TMEM135: variants seen among roughly 807,000 people sequenced by gnomAD.
The protein encoded by TMEM135 is transmembrane protein 135, also known as peroxisomal membrane protein 52.
A neutral mutation model predicts 60.3 loss-of-function variants in TMEM135; 30 were observed. The observed-to-expected ratio is 0.50, with a 90% confidence interval of 0.37 to 0.68. TMEM135 has a LOEUF of 0.68. TMEM135 is among the 30% of genes least tolerant of loss of function. TMEM135 has a pLI of 0.00. For synonymous variants in TMEM135, 190 were observed against 186.7 expected, an observed-to-expected ratio of 1.02 and a Z score of -0.14; for missense variants, 468 against 548.8, an observed-to-expected ratio of 0.85 and a Z score of 1.47.
At chr11:87,154,132 C>T (rs140409346) in intron 4 of TMEM135, among the ~76,000 whole-genome samples, 266 of 152,224 alleles carry the variant, frequency 1.7e-3, no homozygotes, top group African/African-American at 6.1e-3. Flanking sequence ...ATAGTGCCTC[C>T]CCATTTCTCC....
At chr11:87,238,555 CT>C (rs1366077138) in intron 6 of TMEM135, among the ~76,000 whole-genome samples, 10 of 152,084 alleles carry the variant, frequency 6.6e-5, no homozygotes, top group African/African-American at 2.2e-4. Flanking sequence ...CTATTTATTA[CT>C]TTTACTGTAT....
chr11:87,183,299 C>T (rs751142795), intron 5 of TMEM135, among the ~76,000 whole-genome samples: 2 of 151,512 alleles, frequency 1.3e-5, no homozygotes, highest in African/African-American at 4.8e-5. Flanking sequence ...TGTGCCACCA[C>T]GCCTGGTTAA....
At chr11:87,149,872 C>T (rs1196715773) in intron 4 of TMEM135, among the ~76,000 whole-genome samples, 1 of 152,140 alleles carries the variant, frequency 6.6e-6, no homozygotes, top group Non-Finnish European at 1.5e-5. Flanking sequence ...CTGTTGATTA[C>T]TTCTATAATA....
chr11:87,176,914 G>A (rs139207205), intron 5 of TMEM135, among the ~76,000 whole-genome samples: 150 of 152,254 alleles, frequency 9.9e-4, no homozygotes, highest in Admixed American at 2.7e-3. Context: ...TGCATCCCAT[G>A]CATATAACAA....
Position 87,324,425 on chromosome 11 carries a change from A to T in TMEM135, c.*3092A>T. 1 of 453,714 alleles carries T rather than the reference A, an allele frequency of 2.2e-6. No individual in the cohort carries two copies. Among genetic ancestry groups the T allele is most frequent in the Non-Finnish European group, 4.4e-6 (1 of 226,674 alleles). The allele number at this position is 453,714 out of a possible 1,614,324, so 28.1% of individuals were successfully genotyped here. A position where few individuals can be genotyped will look rare whatever the true frequency, so the allele number is the denominator to read the frequency against. ...ATTCCTTAAATTCTCCGTGTGATTT[A>T]TTTTTTTATTTTTTGAGTTGAGGTC... On this transcript the variant is annotated 3_prime_UTR_variant, in exon 15 of 15. Transcript: ENST00000305494.
chr11:87,125,858 C>T (rs2135223565), intron 4 of TMEM135, among the ~76,000 whole-genome samples: 1 of 152,300 alleles, frequency 6.6e-6, no homozygotes, highest in African/African-American at 2.4e-5. Context: ...TTACAAAATT[C>T]ATTTAAACAA....
rs546376668 is a variant in TMEM135, at chr11:87,058,588, A to G, written c.142-9106A>G. Among the ~76,000 whole-genome samples, 4 of 152,022 alleles carry G rather than the reference A, an allele frequency of 2.6e-5. No individual in the cohort carries two copies. In the South Asian group the frequency reaches 8.3e-4, roughly 32 times the overall value. Reference sequence around the variant, plus strand: ...TCAAGTGATCCACCCGCCTTGGCCTATGATAAATTGTTTTTTAAAAACAAG... The same window carrying G: ...TCAAGTGATCCACCCGCCTTGGCCTGTGATAAATTGTTTTTTAAAAACAAG... On this transcript the variant is annotated intron_variant, in intron 1 of 14. Transcript: ENST00000305494.
chr11:87,087,400 A>G (rs1857119560), intron 3 of TMEM135, among the ~76,000 whole-genome samples: 1 of 151,956 alleles, frequency 6.6e-6, no homozygotes, highest in Non-Finnish European at 1.5e-5. Flanking sequence ...AGATTTTTAC[A>G]TTACCCATCC....
At chr11:87,241,958 A>G (rs1941146075) in intron 6 of TMEM135, among the ~76,000 whole-genome samples, 1 of 151,850 alleles carries the variant, frequency 6.6e-6, no homozygotes, top group African/African-American at 2.4e-5. Flanking sequence ...GCACCCATTA[A>G]CTTGTCGTAT....
At chr11:87,084,058 TGA>T in intron 3 of TMEM135, among the ~76,000 whole-genome samples, 1 of 152,228 alleles carries the variant, frequency 6.6e-6, no homozygotes, top group African/African-American at 2.4e-5. Flanking sequence ...TTGTGAAGTG[TGA>T]TATGTAGTAT....
chr11:87,054,836 AG>A (rs1217735261), intron 1 of TMEM135, among the ~76,000 whole-genome samples: 1 of 152,166 alleles, frequency 6.6e-6, no homozygotes, highest in African/African-American at 2.4e-5. Flanking sequence ...TCTCAAGCAC[AG>A]GAGGCACTGA....
intron 3 of TMEM135, among the ~76,000 whole-genome samples, chr11:87,077,251 A>G (rs1197187236): frequency 6.6e-6 from 1 of 152,262 alleles, no homozygotes; most frequent in African/African-American, 2.4e-5. Context: ...ACGTTTGGAC[A>G]TAGGCTTTTT....
chr11:87,108,433 T>C (rs1857654837), intron 4 of TMEM135, among the ~76,000 whole-genome samples: 1 of 152,174 alleles, frequency 6.6e-6, no homozygotes, highest in African/African-American at 2.4e-5. Flanking sequence ...GTCTCTTTCA[T>C]TTTTCATTTT....
intron 4 of TMEM135, among the ~76,000 whole-genome samples, chr11:87,097,125 T>C (rs1037550803): frequency 2.6e-5 from 4 of 151,712 alleles, no homozygotes; most frequent in South Asian, 2.1e-4. Flanking sequence ...GTCCCCAGAG[T>C]AGTTGGGATT....
chr11:87,316,634 A>G (rs938055324), intron 12 of TMEM135, among the ~76,000 whole-genome samples: 3 of 152,044 alleles, frequency 2.0e-5, no homozygotes, highest in African/African-American at 7.2e-5. Context: ...TAAGAGTAGA[A>G]TTGGCAAGAC....
At chr11:87,098,830 A>G (rs1224967650) in intron 4 of TMEM135, among the ~76,000 whole-genome samples, 1 of 151,976 alleles carries the variant, frequency 6.6e-6, no homozygotes, top group African/African-American at 2.4e-5. Context: ...CTGGGACTAC[A>G]GGCACCCACC....
chr11:87,294,339 C>T (rs1404436114), intron 6 of TMEM135, among the ~76,000 whole-genome samples: 2 of 152,128 alleles, frequency 1.3e-5, no homozygotes, highest in South Asian at 2.1e-4. Context: ...TGTGGCCTTT[C>T]CTACAGAAGA....
chr11:87,136,215 TA>T (rs1448110967), intron 4 of TMEM135, among the ~76,000 whole-genome samples: 1 of 152,148 alleles, frequency 6.6e-6, no homozygotes, highest in South Asian at 2.1e-4. Context: ...TTATGAGAGT[TA>T]AAAAAATTTT....
chr11:87,176,670 T>C (rs1939377244), intron 5 of TMEM135, among the ~76,000 whole-genome samples: 2 of 152,054 alleles, frequency 1.3e-5, no homozygotes, highest in African/African-American at 4.8e-5. Flanking sequence ...ATTGTTAAGG[T>C]AGGTTGAAGA....
Sources: allele counts gnomAD v4.1 joint callset (sites outside exome capture counted in the v4.1 genomes callset), GRCh38; gene constraint gnomAD v4.1.1; transcripts MANE v1.5; gene names NCBI Gene and HGNC (gene_info 2026-07-23, HGNC 2026-07-21).